The following KIR3DL1 variants were observed in gnomAD, a reference collection of about 807,000 sequenced individuals.
The protein encoded by KIR3DL1 is killer cell immunoglobulin like receptor, three Ig domains and long cytoplasmic tail 1, also known as killer cell immunoglobulin-like receptor 3DL1.
A neutral mutation model predicts 40.3 loss-of-function variants in KIR3DL1; 50 were observed. The observed-to-expected ratio is 1.24, with a 90% CI of 0.99 to 1.57. The LOEUF is 1.57. KIR3DL1 is among the 40% of genes most tolerant of loss of function. The pLI is 0.00. For missense variants in KIR3DL1, 661 were observed against 559.9 expected (o/e 1.18, Z -1.82); for synonymous variants, 257 against 207.2 (o/e 1.24, Z -2.07).
At chr19:54,829,248 G>A (rs2062077172) in intron 6 of KIR3DL1, 113 bp from the exon 7 acceptor site, 6 of 887,436 alleles carry the variant, frequency 6.8e-6, no homozygotes, top group East Asian at 2.6e-5. Context: ...CCATCTGGGT[G>A]CTTGTCCGAA....
At chr19:54,820,889 G>T (rs532830703) in intron 4 of KIR3DL1, among the ~76,000 whole-genome samples, 1 of 150,948 alleles carries the variant, frequency 6.6e-6, no homozygotes, top group Non-Finnish European at 1.5e-5. Context: ...ACAAGGAGAC[G>T]GAGAGAGAGA....
intron 4 of KIR3DL1, among the ~76,000 whole-genome samples, chr19:54,820,961 T>A (rs1479899327): frequency 1.3e-5 from 2 of 150,360 alleles, no homozygotes; most frequent in Admixed American, 1.3e-4. Flanking sequence ...GATAATGGAT[T>A]GGTTATAGAT....
chr19:54,818,288 C>G (rs1191237391), intron 2 of KIR3DL1, 27 bp from the exon 3 acceptor site: 2 of 1,586,944 alleles, frequency 1.3e-6, no homozygotes, highest in Non-Finnish European at 8.6e-7. Context: ...ATCCTCCTCT[C>G]TAAGGCAGTG....
exon 2 of KIR3DL1, chr19:54,817,534 G>A: frequency 6.6e-7 from 1 of 1,511,062 alleles, no homozygotes; most frequent in Non-Finnish European, 9.0e-7. Flanking sequence ...TTCTTTCTAG[G>A]GTTGTTCTTG....
exon 1 of KIR3DL1, chr19:54,816,468 G>C (rs781020058): frequency 1.2e-6 from 2 of 1,600,896 alleles, no homozygotes; most frequent in Non-Finnish European, 1.7e-6. Context: ...GAGCTGAGCT[G>C]GGGCGCAGCC....
chr19:54,819,244 C>T (rs202140252), intron 3 of KIR3DL1, among the ~76,000 whole-genome samples: 1 of 145,452 alleles, frequency 6.9e-6, no homozygotes, highest in East Asian at 2.0e-4. Context: ...AACACAGGAA[C>T]CCAGGTCAAG....
Position 54,821,874 on chromosome 19 carries a change from A to C in KIR3DL1, c.949+16A>C, listed in dbSNP as rs1601358048. 2 of 1,594,584 alleles carry C rather than the reference A, an allele frequency of 1.3e-6. No individual in the cohort carries two copies. Among genetic ancestry groups the C allele is most frequent in the East Asian group, 4.5e-5 (2 of 44,434 alleles). Reference sequence around the variant, plus strand: ...TCTGTCACAGGTGAGAAAAGCCCATATCTCTCTCATGTCCTATGATCCTAA... The same window carrying C: ...TCTGTCACAGGTGAGAAAAGCCCATCTCTCTCTCATGTCCTATGATCCTAA... On this transcript the variant is annotated intron_variant, in intron 5 of 8. Transcript: ENST00000391728.
At chr19:54,829,613 A>G in intron 7 of KIR3DL1, 148 bp downstream of exon 7, 1 of 761,536 alleles carries the variant, frequency 1.3e-6, no homozygotes, top group Non-Finnish European at 2.0e-6. Context: ...AGAGCACCAG[A>G]CTCCCTGCCC....
In KIR3DL1 at chr19:54,821,750, C is replaced by T. The variant is rs753751772; in HGVS notation, c.841C>T (p.Pro281Ser). Residue 281 changes from proline (P) to serine (S), a missense_variant, in exon 5 of 9, where the codon CCT becomes TCT. This residue lies in a region of KIR3DL1 where 548 missense variants were observed against 413.3 expected (regional missense o/e 1.33). Transcript: ENST00000391728. The stretch of plus-strand genomic sequence containing the variant: ...CAACAGAACATTCCAGGCAGATTTC[C>T]CTCTGGGCCCTGCCACCCACGGAGG... The T allele has an allele frequency of 2.3e-5, 37 of 1,608,236 alleles. 2 individuals carry two copies. The African/African-American group carries it at 3.8e-4, about 16-fold the overall frequency.
intron 5 of KIR3DL1, among the ~76,000 whole-genome samples, chr19:54,824,738 G>C (rs2061798916): frequency 1.3e-5 from 2 of 150,044 alleles, no homozygotes; most frequent in South Asian, 2.2e-4. Context: ...TCTCCATTCT[G>C]TTTCATTTTT....
At chr19:54,826,214 A>C (rs2061880668) in intron 6 of KIR3DL1, among the ~76,000 whole-genome samples, 1 of 150,370 alleles carries the variant, frequency 6.7e-6, no homozygotes, top group Non-Finnish European at 1.5e-5. Flanking sequence ...GGACACTGAT[A>C]TTGCAGATGG....
chr19:54,819,796 G>A, exon 4 of KIR3DL1: 1 of 1,611,788 alleles, frequency 6.2e-7, no homozygotes, highest in Non-Finnish European at 8.5e-7. Context: ...ATGTTGGTCA[G>A]ATATCATGTT....
rs760277834 is a variant in KIR3DL1, at chr19:54,819,670, G to T, written c.356-43G>T. 6.3e-6 allele frequency: 10 copies of T among 1,583,960 alleles called. No homozygotes were observed. The African/African-American group carries it at 1.2e-4, about 19-fold the overall frequency. ...TCATTCCAGGTGCCATGGATGGGATGATAAAGAGAGATGCCTTCTAAACTC... is the reference window on the plus strand; with the variant it reads ...TCATTCCAGGTGCCATGGATGGGATTATAAAGAGAGATGCCTTCTAAACTC... On this transcript the variant is annotated intron_variant, in intron 3 of 8. Coordinates refer to ENST00000391728, the Ensembl canonical transcript of KIR3DL1.
At chr19:54,824,563 C>T (rs2061788765) in intron 5 of KIR3DL1, among the ~76,000 whole-genome samples, 1 of 151,282 alleles carries the variant, frequency 6.6e-6, no homozygotes, top group Admixed American at 6.6e-5. Flanking sequence ...TGTAATACCA[C>T]TACTCGGGTG....
intron 5 of KIR3DL1, among the ~76,000 whole-genome samples, chr19:54,823,621 CAAAG>C (rs1569454040): frequency 1.3e-5 from 2 of 151,404 alleles, no homozygotes; most frequent in Non-Finnish European, 2.9e-5. Context: ...CCTCAGCCTC[CAAAG>C]TAGCTGGGAT....
chr19:54,821,996 G>A (rs2061664721), intron 5 of KIR3DL1, 138 bp downstream of exon 5: 2 of 1,085,056 alleles, frequency 1.8e-6, no homozygotes, highest in Non-Finnish European at 2.7e-6. Flanking sequence ...CAGGGCGCAG[G>A]ATGGCAGACA....
intron 3 of KIR3DL1, 105 bp from the exon 4 acceptor site, chr19:54,819,608 G>T: frequency 7.5e-7 from 1 of 1,335,220 alleles, no homozygotes; most frequent in Admixed American, 2.0e-5. Flanking sequence ...ATGCAGAGAG[G>T]GAGGAGAGAG....
chr19:54,818,425 T>C, exon 3 of KIR3DL1: 2 of 1,607,768 alleles, frequency 1.2e-6, no homozygotes, highest in Non-Finnish European at 1.7e-6. Flanking sequence ...TTTCATGCTA[T>C]ACAAAGAAGA....
chr19:54,822,099 C>A (rs2061669956), intron 5 of KIR3DL1, among the ~76,000 whole-genome samples: 3 of 150,946 alleles, frequency 2.0e-5, no homozygotes, highest in African/African-American at 7.4e-5. Context: ...TCAGGACAGA[C>A]CCAGAGAAGG....
Sources: gnomAD v4.1 joint callset for allele counts (sites outside exome capture counted in the v4.1 genomes callset) on GRCh38, gnomAD v4.1.1 for gene constraint, gnomAD v4.1.1 regional missense constraint, MANE v1.5 for transcripts, NCBI Gene and HGNC (gene_info 2026-07-23, HGNC 2026-07-21) for gene names.